Variants in CPVL observed in about 807,000 individuals in gnomAD.
The protein encoded by CPVL is probable serine carboxypeptidase CPVL.
In CPVL, 51 loss-of-function variants were observed where a neutral mutation model predicts 63.7. The ratio of observed to expected loss-of-function variants is 0.80; its 90% CI spans 0.64 to 1.01. The LOEUF is 1.01. Ranked by LOEUF, CPVL falls within the 50% of genes least tolerant of loss-of-function variation. CPVL has a pLI of 0.00. For synonymous variants in CPVL, 195 were observed against 206.0 expected (o/e 0.95, Z 0.46); for missense variants, 530 against 573.1 (o/e 0.92, Z 0.77).
chr7:29,130,588 TGA>T (rs367671568), intron 1 of CPVL, among the ~76,000 whole-genome samples: 7 of 152,302 alleles, frequency 4.6e-5, no homozygotes, highest in African/African-American at 1.7e-4. Flanking sequence ...GAGCTTTATA[TGA>T]GACATATCCA....
At chr7:29,122,951 G>A (rs187541523) in intron 1 of CPVL, among the ~76,000 whole-genome samples, 166 of 152,162 alleles carry the variant, frequency 1.1e-3, no homozygotes, top group African/African-American at 3.7e-3. Flanking sequence ...CACCAGGGCC[G>A]TTACATGACT....
intron 5 of CPVL, among the ~76,000 whole-genome samples, chr7:29,164,338 GTTGT>G (rs1795610170): frequency 6.6e-6 from 1 of 151,898 alleles, no homozygotes; most frequent in Non-Finnish European, 1.5e-5. Flanking sequence ...TTTTAATTAG[GTTGT>G]TTCTCTTCTT....
intron 1 of CPVL, among the ~76,000 whole-genome samples, chr7:29,123,597 GAAAAAAAAAAAAAAAAA>G (rs778757980): frequency 1.4e-3 from 58 of 41,246 alleles, no homozygotes; most frequent in African/African-American, 3.3e-3. Flanking sequence ...AACTGGTTCA[GAAAAAAAAAAAAAAAAA>G]AAAAAAAAAA....
intron 12 of CPVL, among the ~76,000 whole-genome samples, chr7:29,019,128 TC>T (rs1460202428): frequency 6.6e-6 from 1 of 152,112 alleles, no homozygotes. Flanking sequence ...ACTACACTAT[TC>T]CACATTGCAT....
chr7:29,182,834 C>T (rs554533741), intron 4 of CPVL, among the ~76,000 whole-genome samples: 2 of 152,156 alleles, frequency 1.3e-5, no homozygotes, highest in Non-Finnish European at 2.9e-5. Flanking sequence ...GAGACAGCAT[C>T]CTATTGTGTT....
intron 12 of CPVL, among the ~76,000 whole-genome samples, chr7:28,998,836 A>G (rs925808585): frequency 1.3e-5 from 2 of 152,068 alleles, no homozygotes; most frequent in African/African-American, 2.4e-5. Flanking sequence ...ATATGCTTAT[A>G]TGAACCTAAA....
upstream of CPVL, among the ~76,000 whole-genome samples, chr7:29,149,998 T>C (rs1793370518): frequency 6.6e-6 from 1 of 152,222 alleles, no homozygotes; most frequent in South Asian, 2.1e-4. Context: ...AGCCCTTCTC[T>C]TGTATTGAGA....
intron 1 of CPVL, among the ~76,000 whole-genome samples, chr7:29,189,692 C>G (rs1054177906): frequency 6.6e-6 from 1 of 152,096 alleles, no homozygotes; most frequent in Non-Finnish European, 1.5e-5. Flanking sequence ...CCCCCCACCC[C>G]CTACACTCCC....
chr7:29,133,168 T>C (rs1562785718), intron 1 of CPVL, among the ~76,000 whole-genome samples: 1 of 151,276 alleles, frequency 6.6e-6, no homozygotes, highest in Non-Finnish European at 1.5e-5. Flanking sequence ...CCTCTATTAT[T>C]GCTTCTGTCA....
At chr7:29,162,216 C>T (rs541357347) in intron 5 of CPVL, among the ~76,000 whole-genome samples, 8 of 152,270 alleles carry the variant, frequency 5.3e-5, no homozygotes, top group South Asian at 4.1e-4. Context: ...AAAAACTGTT[C>T]ACAAATGTAT....
At chr7:29,104,570 T>A (rs938445884) in intron 3 of CPVL, among the ~76,000 whole-genome samples, 3 of 152,198 alleles carry the variant, frequency 2.0e-5, no homozygotes, top group Non-Finnish European at 4.4e-5. Flanking sequence ...CTCAAAATCT[T>A]TTTTTGTTTT....
chr7:29,023,502 C>A (rs1787209890), intron 12 of CPVL, among the ~76,000 whole-genome samples: 1 of 152,146 alleles, frequency 6.6e-6, no homozygotes. Context: ...GGAGCTACAA[C>A]TCAGGATGAG....
Position 29,064,929 on chromosome 7 carries a change from T to TAA in CPVL, c.964-697_964-696dup, listed in dbSNP as rs200056425. 9.3e-4 allele frequency among the ~76,000 whole-genome samples: 39 copies of TAA among 42,062 alleles called. 1 individual carries two copies. Among genetic ancestry groups the TAA allele is most frequent in the Middle Eastern group, 0.011 (1 of 88 alleles). The allele number at this position is 42,062 out of a possible 152,430, so 27.6% of individuals were successfully genotyped here. A position where few individuals can be genotyped will look rare whatever the true frequency, so the allele number is the denominator to read the frequency against. On this transcript the variant is annotated intron_variant, in intron 10 of 12. Transcript: ENST00000265394. Reference sequence around the variant, plus strand: ...GTATAATAATAATAAAATTAAAAAATAAAAAAAACCGCACACACACACAAA... The same window carrying TAA: ...GTATAATAATAATAAAATTAAAAAATAAAAAAAAAACCGCACACACACACAAA...
In CPVL at chr7:29,120,961, G is replaced by A. The variant is rs1301852333; in HGVS notation, c.101C>T (p.Pro34Leu). The part of the protein sequence containing the change: ...FRSLYRSVSM[P>L]PKGDSGQPLF... The stretch of plus-strand genomic sequence containing the variant: ...TGGCTGTCCTGAGTCTCCCTTAGGT[G>A]GCATGGAAACACTTCTGTATAGGGA... The change falls in exon 2 of 13, where the codon CCA becomes CTA. Residue 34 changes from proline to leucine, a missense_variant. Transcript: ENST00000265394. The A allele has an allele frequency of 6.2e-7, 1 of 1,613,936 alleles. No individual in the cohort carries two copies. Among genetic ancestry groups the A allele is most frequent in the Admixed American group, 1.7e-5 (1 of 60,004 alleles).
At chr7:29,097,556 C>T (rs113298085) in intron 3 of CPVL, among the ~76,000 whole-genome samples, 26,737 of 151,910 alleles carry the variant, frequency 0.18, 4,668 homozygotes, top group African/African-American at 0.46. Context: ...ATTAGCTGGG[C>T]GTGATGGCGG....
At chr7:29,144,318 T>G (rs1210255745) in intron 1 of CPVL, among the ~76,000 whole-genome samples, 1 of 151,232 alleles carries the variant, frequency 6.6e-6, no homozygotes, top group Non-Finnish European at 1.5e-5. Context: ...CCCAGCACTT[T>G]GGAAGGCCGA....
chr7:29,034,432 G>T (rs1310107674), intron 11 of CPVL, among the ~76,000 whole-genome samples: 1 of 151,876 alleles, frequency 6.6e-6, no homozygotes, highest in Admixed American at 6.6e-5. Context: ...TTTATTTATT[G>T]ATTTATTTTT....
chr7:29,146,705 T>G (rs1309673729), upstream of CPVL: 1 of 1,550,630 alleles, frequency 6.4e-7, no homozygotes, highest in Non-Finnish European at 8.7e-7. Context: ...CAGGGTGGAA[T>G]CTTAAAAATT....
At chr7:29,012,654 CTG>C (rs1379812721) in intron 12 of CPVL, 3 of 152,160 alleles carry the variant, frequency 2.0e-5, no homozygotes, top group Admixed American at 1.3e-4. Context: ...AAGAGTAAAA[CTG>C]TGTTCTCAAA....
Sources: allele counts gnomAD v4.1 joint callset (sites outside exome capture counted in the v4.1 genomes callset), GRCh38; gene constraint gnomAD v4.1.1; transcripts MANE v1.5; gene names NCBI Gene and HGNC (gene_info 2026-07-23, HGNC 2026-07-21).